The following KALRN variants were observed in gnomAD, a reference collection of about 807,000 sequenced individuals.
The protein encoded by KALRN is kalirin RhoGEF kinase.
A neutral mutation model predicts 353.7 loss-of-function variants in KALRN; 70 were observed. The observed-to-expected ratio is 0.20, with a 90% CI of 0.16 to 0.24. The LOEUF (loss-of-function observed/expected upper bound fraction) is 0.24. Ranked by LOEUF, KALRN falls within the 10% of genes least tolerant of loss-of-function variation. KALRN has a pLI of 1.00. For missense variants in KALRN, 2,791 were observed against 3,756.7 expected, an observed-to-expected ratio of 0.74 and a Z score of 6.72; for synonymous variants, 1,391 against 1,434.8, an observed-to-expected ratio of 0.97 and a Z score of 0.69.
chr3:124,154,483 C>T (rs976298833), intron 1 of KALRN, among the ~76,000 whole-genome samples: 27 of 152,054 alleles, frequency 1.8e-4, no homozygotes, highest in African/African-American at 6.3e-4. Context: ...AAACAGAGAG[C>T]CAAATCATGA....
chr3:124,166,820 C>T (rs962938160), intron 1 of KALRN, among the ~76,000 whole-genome samples: 28 of 152,058 alleles, frequency 1.8e-4, no homozygotes, highest in African/African-American at 6.5e-4. Context: ...AGGTGGGTCA[C>T]TGGAGGCCAG....
In KALRN at chr3:124,650,827, A is replaced by G. The variant is rs201749166; in HGVS notation, c.5684A>G (p.Tyr1895Cys). 9.3e-6 allele frequency: 15 copies of G among 1,613,738 alleles called. No individual in the cohort carries two copies. In the Admixed American group the frequency reaches 1.2e-4, roughly 13 times the overall value. Residue 1895 changes from tyrosine to cysteine, a missense_variant, in exon 38 of 60, where the codon TAC becomes TGC. Tyr to Cys is a radical substitution (Grantham distance 194). Coordinates refer to ENST00000682506, the MANE Select transcript of KALRN (RefSeq NM_001388419.1). ...TTTCAGAGTCTAGAAGGAAGCTCAT[A>G]CCGGGGGAGCTTGAAAGACCCTGCA... ...KNKLSLEGSS[Y>C]RGSLKDPAGC...
At chr3:124,043,081 G>A (rs1387213922) in intron 1 of KALRN, among the ~76,000 whole-genome samples, 1 of 152,178 alleles carries the variant, frequency 6.6e-6, no homozygotes, top group Non-Finnish European at 1.5e-5. Context: ...TAATGCTGCA[G>A]AGAAGTTGAG....
chr3:124,714,625 C>A (rs1190882747), intron 58 of KALRN, among the ~76,000 whole-genome samples: 8 of 152,162 alleles, frequency 5.3e-5, no homozygotes, highest in African/African-American at 1.4e-4. Flanking sequence ...TTACTGAGCC[C>A]TCGCTATGCA....
chr3:124,120,938 T>A (rs1477102803), intron 1 of KALRN, among the ~76,000 whole-genome samples: 4 of 149,560 alleles, frequency 2.7e-5, no homozygotes, highest in Non-Finnish European at 5.9e-5. Context: ...CTAAAAAAAA[T>A]ACAAAAATTA....
At chr3:124,599,931 C>A (rs1011356640) in intron 34 of KALRN, among the ~76,000 whole-genome samples, 1 of 152,214 alleles carries the variant, frequency 6.6e-6, no homozygotes, top group African/African-American at 2.4e-5. Context: ...GGGTTCCACA[C>A]ACAGCTTGTT....
At chr3:124,194,802 G>A (rs1047862105) in intron 1 of KALRN, among the ~76,000 whole-genome samples, 1 of 152,068 alleles carries the variant, frequency 6.6e-6, no homozygotes, top group Non-Finnish European at 1.5e-5. Flanking sequence ...TGGTTTCTCA[G>A]ATTTCAGCTT....
At chr3:124,681,285 A>C (rs1245996560) in intron 51 of KALRN, among the ~76,000 whole-genome samples, 1 of 152,224 alleles carries the variant, frequency 6.6e-6, no homozygotes, top group African/African-American at 2.4e-5. Context: ...TACACATCTT[A>C]ACTCTGCTTT....
At chr3:124,278,188 G>A (rs2074970723) in intron 5 of KALRN, among the ~76,000 whole-genome samples, 1 of 149,446 alleles carries the variant, frequency 6.7e-6, no homozygotes, top group Non-Finnish European at 1.5e-5. Context: ...ATCAGAGTTA[G>A]CACTAATGTA....
chr3:124,362,549 G>A (rs959654215), intron 10 of KALRN, among the ~76,000 whole-genome samples: 16 of 152,340 alleles, frequency 1.1e-4, no homozygotes, highest in African/African-American at 3.6e-4. Flanking sequence ...ATAGAGATTG[G>A]TGCAGCTGTC....
chr3:124,406,470 T>A (rs2091552669), intron 13 of KALRN, among the ~76,000 whole-genome samples: 2 of 152,242 alleles, frequency 1.3e-5, no homozygotes, highest in Admixed American at 6.5e-5. Context: ...CTGCAATATG[T>A]CTTTCCCTAT....
intron 1 of KALRN, among the ~76,000 whole-genome samples, chr3:124,140,836 G>A (rs1349428031): frequency 1.3e-5 from 2 of 152,090 alleles, no homozygotes; most frequent in East Asian, 3.9e-4. Flanking sequence ...TCTCACCCTG[G>A]GTCATGGGTG....
rs1579164852 is a variant in KALRN, at chr3:124,189,871, A to G, written c.74-38119A>G. Among the ~76,000 whole-genome samples the G allele has an allele frequency of 3.3e-5, 5 of 150,220 alleles. No individual in the cohort carries two copies. In the Middle Eastern group the frequency reaches 0.014, roughly 417 times the overall value. ...GGAGAATCACTTGAACCCAGGAGGC[A>G]GAGGTTGCAGTGAGCTAAGATTGCG... On this transcript the variant is annotated intron_variant, in intron 1 of 59. Coordinates refer to ENST00000682506, the MANE Select transcript of KALRN (RefSeq NM_001388419.1).
At chr3:124,448,256 G>A (rs1324634287) in intron 21 of KALRN, among the ~76,000 whole-genome samples, 4 of 152,082 alleles carry the variant, frequency 2.6e-5, no homozygotes, top group Non-Finnish European at 5.9e-5. Context: ...CTGAGCTGTA[G>A]TAGCTTCCTA....
chr3:124,486,420 A>C (rs2062578091), intron 28 of KALRN, among the ~76,000 whole-genome samples: 1 of 152,220 alleles, frequency 6.6e-6, no homozygotes, highest in African/African-American at 2.4e-5. Flanking sequence ...GGTTGGCAGA[A>C]GTAAATACCA....
intron 1 of KALRN, among the ~76,000 whole-genome samples, chr3:124,191,242 T>A (rs2074875357): frequency 1.3e-5 from 2 of 152,284 alleles, no homozygotes; most frequent in South Asian, 4.1e-4. Flanking sequence ...GAGTCTTCAT[T>A]GTATAGGCAC....
intron 32 of KALRN, 94 bp from the exon 33 acceptor site, chr3:124,496,217 T>C: frequency 1.2e-6 from 1 of 852,526 alleles, no homozygotes; most frequent in Non-Finnish European, 2.0e-6. Flanking sequence ...GCTGAGGCGC[T>C]GCTCTGCCCA....
At position 124,262,537 on chromosome 3, in the gene KALRN, G is replaced by A. The variant is rs111559235; in HGVS notation, c.264-1961G>A. Among the ~76,000 whole-genome samples the A allele has an allele frequency of 5.1e-4, 77 of 152,294 alleles. No homozygotes were observed. The East Asian group carries it at 0.011, about 21-fold the overall frequency. ...TTTCAATAAGTGTCAGGGAAGAAGA[G>A]GCAACTCCTTTCCTTTGGGATGCAG... On this transcript the variant is annotated intron_variant, in intron 3 of 59. Transcript: ENST00000682506.
At chr3:124,591,060 A>G (rs1346670000) in intron 34 of KALRN, among the ~76,000 whole-genome samples, 2 of 152,054 alleles carry the variant, frequency 1.3e-5, no homozygotes, top group Non-Finnish European at 2.9e-5. Flanking sequence ...GACTGTGTTG[A>G]TCTGTTGTTT....
Sources: gnomAD v4.1 joint callset for allele counts (sites outside exome capture counted in the v4.1 genomes callset) on GRCh38, gnomAD v4.1.1 for gene constraint, MANE v1.5 for transcripts, NCBI Gene and HGNC (gene_info 2026-07-23, HGNC 2026-07-21) for gene names.